Variants in TBCCD1 observed in about 807,000 individuals in gnomAD.
TBCCD1 encodes TBCC domain containing 1.
In TBCCD1, 26 loss-of-function variants were observed where a neutral mutation model predicts 53.4. The observed-to-expected ratio is 0.49, with a 90% CI of 0.36 to 0.68. TBCCD1 has a LOEUF of 0.68. TBCCD1 is among the 30% of genes least tolerant of loss of function. TBCCD1 has a pLI of 0.00. For synonymous variants in TBCCD1, 245 were observed against 241.7 expected (o/e 1.01, Z -0.13); for missense variants, 558 against 669.5 (o/e 0.83, Z 1.84).
chr3:186,548,240 C>A (rs567197966), intron 7 of TBCCD1, among the ~76,000 whole-genome samples: 1 of 152,190 alleles, frequency 6.6e-6, no homozygotes, highest in African/African-American at 2.4e-5. Flanking sequence ...CTTGAAAACA[C>A]TACACTAACT....
chr3:186,551,914 C>T (rs551671829), intron 6 of TBCCD1, among the ~76,000 whole-genome samples: 1 of 152,186 alleles, frequency 6.6e-6, no homozygotes, highest in African/African-American at 2.4e-5. Context: ...GAGGTGGAGG[C>T]TGCAGTAAGC....
upstream of TBCCD1, among the ~76,000 whole-genome samples, chr3:186,568,881 C>T (rs1018177374): frequency 2.1e-5 from 3 of 144,954 alleles, no homozygotes; most frequent in Non-Finnish European, 4.4e-5. Context: ...CCAGCCTGGG[C>T]GACAGAGCGA....
chr3:186,564,993 A>C (rs11922592), intron 1 of TBCCD1, among the ~76,000 whole-genome samples: 7,061 of 152,246 alleles, frequency 0.046, 539 homozygotes, highest in African/African-American at 0.16. Context: ...TTTTGTTGTA[A>C]CAATGATACA....
chr3:186,563,909 T>A, intron 2 of TBCCD1, 85 bp downstream of exon 2: 1 of 1,438,672 alleles, frequency 7.0e-7, no homozygotes, highest in Non-Finnish European at 9.2e-7. Context: ...ATCTAAAAAT[T>A]GTAATAAGCA....
chr3:186,551,153 T>G lies in TBCCD1; in HGVS notation c.1671A>C (p.Gly557=), dbSNP rs143977007. 226 of 1,611,474 alleles carry G rather than the reference T, an allele frequency of 1.4e-4. No individual in the cohort carries two copies. The highest frequency in any genetic ancestry group is 1.7e-5 in the Admixed American group (1 of 59,862). The change falls in exon 7 of 8, where the codon GGA becomes GGC. Residue 557 remains glycine (G), a synonymous_variant. Coordinates refer to ENST00000338733, the MANE Select transcript of TBCCD1 (RefSeq NM_018138.5). ...PPAAGSKQAA[G] ...CCAGTGTCTGCATGTAAGATCCTTA[T>G]CCAGCTGCTTGTTTGGAGCCTGCTG...
chr3:186,550,553 T>C (rs572919439), intron 7 of TBCCD1, among the ~76,000 whole-genome samples: 1 of 150,342 alleles, frequency 6.7e-6, no homozygotes, highest in Non-Finnish European at 1.5e-5. Flanking sequence ...GCCACTGCAC[T>C]CCAGCCTGGG....
intron 2 of TBCCD1, among the ~76,000 whole-genome samples, chr3:186,559,169 A>G (rs1714626419): frequency 6.6e-6 from 1 of 152,232 alleles, no homozygotes; most frequent in Non-Finnish European, 1.5e-5. Flanking sequence ...TAAGTACATT[A>G]TTTCAGAAGT....
intron 7 of TBCCD1, among the ~76,000 whole-genome samples, 164 bp from the exon 8 acceptor site, chr3:186,547,119 C>T (rs1442781608): frequency 3.3e-5 from 5 of 151,936 alleles, no homozygotes; most frequent in Non-Finnish European, 7.4e-5. Flanking sequence ...TTCCTTTTTG[C>T]TAGGTGTAAT....
upstream of TBCCD1, chr3:186,570,305 A>C (rs1714979276): frequency 1.8e-6 from 1 of 543,240 alleles, no homozygotes; most frequent in African/African-American, 1.9e-5. Context: ...TTCGGAGCGT[A>C]GCTGGGTATG....
chr3:186,564,269 G>T lies in TBCCD1; in HGVS notation c.61C>A (p.Gln21Lys), dbSNP rs763416278. 1.9e-6 allele frequency: 3 copies of T among 1,614,178 alleles called. No homozygotes were observed. The Admixed American group carries it at 5.0e-5, about 27-fold the overall frequency. The change falls in exon 2 of 8, where the codon CAG (glutamine) becomes AAG (lysine). Residue 21 changes from glutamine (Q) to lysine (K), a missense_variant. Gln to Lys is a moderately conservative substitution (Grantham distance 53). Transcript: ENST00000338733. ...CTAAACTTGGATGGAGGGGGGACCTGCAAGGCACCCACTATAAAGGGTTCT... is the reference window on the plus strand; with the variant it reads ...CTAAACTTGGATGGAGGGGGGACCTTCAAGGCACCCACTATAAAGGGTTCT... ...KAEPFIVGAL[Q>K]VPPPSKFSLH...
chr3:186,554,633 T>C lies in TBCCD1; in HGVS notation c.1165A>G (p.Ile389Val), dbSNP rs1407284861. The part of the protein sequence containing the change: ...KVIAVCHRLS[I>V]SSTTGCIFHV... ...AAGATGCAACCTGTTGTAGAAGAGA[T>C]GGACAAACGATGGCAAACAGCAATG... The change falls in exon 6 of 8, where the codon ATC becomes GTC. Residue 389 changes from isoleucine to valine, a missense_variant. Physicochemically the swap from Ile to Val is conservative, Grantham distance 29 (BLOSUM62 3). Transcript: ENST00000338733. 7 of 1,614,026 alleles carry C rather than the reference T, an allele frequency of 4.3e-6. No homozygotes were observed. The highest frequency in any genetic ancestry group is 5.9e-6 in the Non-Finnish European group (7 of 1,180,036).
chr3:186,561,763 T>C (rs1273507681), intron 2 of TBCCD1, among the ~76,000 whole-genome samples: 1 of 151,748 alleles, frequency 6.6e-6, no homozygotes, highest in Non-Finnish European at 1.5e-5. Flanking sequence ...CGCTCCAGCC[T>C]GGGCGACAGA....
chr3:186,556,455 T>C lies in TBCCD1; in HGVS notation c.813A>G (p.Thr271=). Residue 271 remains threonine, a synonymous_variant, in exon 4 of 8, where the codon ACA becomes ACG. Transcript: ENST00000338733. The part of the protein sequence containing the change: ...RSCLTGNPFG[T]SACLKSGKKL... Reference sequence around the variant, plus strand: ...TCTTTCCAGACTTGAGGCAAGCTGATGTACCAAATGGATTCCCAGTCAAAC... The same window carrying C: ...TCTTTCCAGACTTGAGGCAAGCTGACGTACCAAATGGATTCCCAGTCAAAC... 2 of 1,606,782 alleles carry C rather than the reference T, an allele frequency of 1.2e-6. No individual in the cohort carries two copies. Among genetic ancestry groups the C allele is most frequent in the South Asian group, 1.1e-5 (1 of 88,890 alleles).
At chr3:186,567,229 C>G (rs1714859325) in intron 1 of TBCCD1, 38 bp downstream of exon 1, 1 of 152,322 alleles carries the variant, frequency 6.6e-6, no homozygotes, top group South Asian at 2.1e-4. Flanking sequence ...CCTGACTAAC[C>G]CACACCGCCC....
chr3:186,553,517 C>A (rs1714436938), intron 6 of TBCCD1: 1 of 152,202 alleles, frequency 6.6e-6, no homozygotes, highest in Non-Finnish European at 1.5e-5. Flanking sequence ...AAAAGAACCT[C>A]TGGAACCAGG....
intron 4 of TBCCD1, among the ~76,000 whole-genome samples, chr3:186,555,668 C>T (rs748015957): frequency 7.9e-5 from 12 of 152,110 alleles, no homozygotes; most frequent in Admixed American, 1.3e-4. Flanking sequence ...AAGAGATTCT[C>T]CTGCCTCAGC....
At chr3:186,562,241 A>T in intron 2 of TBCCD1, among the ~76,000 whole-genome samples, 1 of 152,206 alleles carries the variant, frequency 6.6e-6, no homozygotes, top group East Asian at 1.9e-4. Flanking sequence ...ACCACTCAGG[A>T]GGCTGAGGTG....
rs760541079 is a variant in TBCCD1 at position 186,551,095 on chromosome 3, A to G, written c.*21+34T>C. ...TTTTTTATGCTTGAAAGATTTCCCC[A>G]AAAGAATCTGTTTTAAGTGGTATAA... On this transcript the variant is annotated intron_variant, in intron 7 of 7. Coordinates refer to ENST00000338733, the MANE Select transcript of TBCCD1 (RefSeq NM_018138.5). 6.4e-6 allele frequency: 10 copies of G among 1,572,018 alleles called. No homozygotes were observed. The East Asian group carries it at 6.7e-5, about 11-fold the overall frequency.
chr3:186,561,238 T>A (rs1163994281), intron 2 of TBCCD1, among the ~76,000 whole-genome samples: 1 of 152,176 alleles, frequency 6.6e-6, no homozygotes. Flanking sequence ...TGCAGCTCAA[T>A]AGCAAGAAAA....
Sources: gnomAD v4.1 joint callset for allele counts (sites outside exome capture counted in the v4.1 genomes callset) on GRCh38, gnomAD v4.1.1 for gene constraint, MANE v1.5 for transcripts, NCBI Gene and HGNC (gene_info 2026-07-23, HGNC 2026-07-21) for gene names.